Variants in ELP4 observed in about 807,000 individuals in gnomAD.
ELP4 encodes the protein elongator complex protein 4.
Under a neutral mutation model 48.9 loss-of-function variants are expected in ELP4, and 51 were observed. That is an observed-to-expected ratio of 1.04 (90% confidence interval 0.83 to 1.32). The LOEUF (loss-of-function observed/expected upper bound fraction) is 1.32, where lower values mean the gene tolerates loss of function less well. Ranked by LOEUF, ELP4 falls within the 40% of genes most tolerant of loss-of-function variation. The probability of loss-of-function intolerance (pLI) is 0.00; values close to 1 mark genes in which losing one functional copy is unlikely to be tolerated. For synonymous variants in ELP4, 210 were observed against 189.2 expected (o/e 1.11, Z -0.90); for missense variants, 519 against 514.6 (o/e 1.01, Z -0.08).
At chr11:31,593,308 A>G (rs1957617786) in intron 3 of ELP4, among the ~76,000 whole-genome samples, 1 of 151,962 alleles carries the variant, frequency 6.6e-6, no homozygotes, top group African/African-American at 2.4e-5. Context: ...GCTGGAGTGC[A>G]GTGGCATGAT....
chr11:31,557,903 A>G (rs1386438120), intron 3 of ELP4, among the ~76,000 whole-genome samples: 2 of 152,086 alleles, frequency 1.3e-5, no homozygotes, highest in Non-Finnish European at 2.9e-5. Flanking sequence ...TAGACTATAT[A>G]ATGGTATTTA....
At chr11:31,675,806 C>A (rs991326431) in intron 9 of ELP4, among the ~76,000 whole-genome samples, 1 of 151,934 alleles carries the variant, frequency 6.6e-6, no homozygotes, top group Non-Finnish European at 1.5e-5. Context: ...ACTATTTACC[C>A]AACATTCAAT....
chr11:31,615,435 G>A (rs914366309), intron 5 of ELP4, among the ~76,000 whole-genome samples: 2 of 151,558 alleles, frequency 1.3e-5, no homozygotes, highest in Non-Finnish European at 3.0e-5. Context: ...CATAGTAAAG[G>A]GTTAATGAAT....
chr11:31,639,670 A>G (rs1271104106), intron 7 of ELP4, among the ~76,000 whole-genome samples: 1 of 151,982 alleles, frequency 6.6e-6, no homozygotes, highest in East Asian at 1.9e-4. Flanking sequence ...GTAAATATGC[A>G]TATTGAATAA....
At chr11:31,717,371 A>G (rs1349451909) in intron 9 of ELP4, among the ~76,000 whole-genome samples, 3 of 152,206 alleles carry the variant, frequency 2.0e-5, no homozygotes, top group African/African-American at 7.2e-5. Context: ...GTCTCAAAGT[A>G]TTACTTACCT....
intron 9 of ELP4, among the ~76,000 whole-genome samples, chr11:31,741,338 A>G (rs1276263951): frequency 6.6e-6 from 1 of 152,192 alleles, no homozygotes; most frequent in Non-Finnish European, 1.5e-5. Flanking sequence ...AGACAAACAA[A>G]AAGACAGCAG....
intron 9 of ELP4, among the ~76,000 whole-genome samples, chr11:31,754,817 A>T (rs868038935): frequency 6.6e-6 from 1 of 152,196 alleles, no homozygotes; most frequent in Non-Finnish European, 1.5e-5. Flanking sequence ...GGTTGCAGTG[A>T]GCCAAGATCA....
intron 1 of ELP4, among the ~76,000 whole-genome samples, chr11:31,516,907 C>A (rs1268002789): frequency 1.3e-5 from 2 of 152,072 alleles, no homozygotes; most frequent in African/African-American, 2.4e-5. Flanking sequence ...TATGAAGGAA[C>A]CTGTCTGAAT....
At chr11:31,647,948 G>C in intron 8 of ELP4, 99 bp downstream of exon 8, 1 of 688,324 alleles carries the variant, frequency 1.5e-6, no homozygotes, top group South Asian at 1.7e-5. Flanking sequence ...CAAGGAGTAT[G>C]AATTTTATAA....
chr11:31,766,290 A>G (rs1312799762), intron 9 of ELP4, among the ~76,000 whole-genome samples: 1 of 152,130 alleles, frequency 6.6e-6, no homozygotes, highest in Non-Finnish European at 1.5e-5. Flanking sequence ...TTTCTGATAA[A>G]GTAATAGTAA....
chr11:31,757,225 G>T (rs780403015), intron 9 of ELP4, among the ~76,000 whole-genome samples: 1 of 152,164 alleles, frequency 6.6e-6, no homozygotes, highest in African/African-American at 2.4e-5. Flanking sequence ...GAAAACCATG[G>T]AAGGGGTTAA....
intron 9 of ELP4, among the ~76,000 whole-genome samples, chr11:31,677,696 A>G (rs1945958424): frequency 6.6e-6 from 1 of 152,230 alleles, no homozygotes; most frequent in South Asian, 2.1e-4. Flanking sequence ...CTGTTAATAG[A>G]CTTTTTAAAG....
chr11:31,593,567 C>A (rs954302773), intron 3 of ELP4, among the ~76,000 whole-genome samples: 2 of 152,046 alleles, frequency 1.3e-5, no homozygotes, highest in African/African-American at 4.8e-5. Flanking sequence ...CTATTACCTC[C>A]ATTTTTTAGA....
At chr11:31,646,396 G>A (rs1945199615) in intron 7 of ELP4, 1 of 151,676 alleles carries the variant, frequency 6.6e-6, no homozygotes, top group African/African-American at 2.4e-5. Context: ...TGCTCTAGGT[G>A]TGAGTTAACC....
At chr11:31,517,774 G>A (rs995228449) in intron 1 of ELP4, among the ~76,000 whole-genome samples, 3 of 151,620 alleles carry the variant, frequency 2.0e-5, no homozygotes, top group African/African-American at 4.8e-5. Flanking sequence ...CAGCCACCGC[G>A]CCCAGCTAAT....
chr11:31,594,984 G>A, intron 4 of ELP4, 83 bp downstream of exon 4: 1 of 1,131,234 alleles, frequency 8.8e-7, no homozygotes, highest in Non-Finnish European at 1.2e-6. Context: ...ATGCCTATAT[G>A]TGTATTTGTT....
intron 9 of ELP4, among the ~76,000 whole-genome samples, chr11:31,697,578 T>TG: frequency 6.6e-6 from 1 of 152,166 alleles, no homozygotes; most frequent in African/African-American, 2.4e-5. Context: ...GTAAATAAAG[T>TG]ATTTGTAGTC....
intron 9 of ELP4, among the ~76,000 whole-genome samples, chr11:31,771,583 GC>G (rs904063865): frequency 6.6e-6 from 1 of 152,182 alleles, no homozygotes; most frequent in Non-Finnish European, 1.5e-5. Flanking sequence ...CTTTTTCTCT[GC>G]CTTTCAAGCA....
intron 9 of ELP4, among the ~76,000 whole-genome samples, chr11:31,721,826 T>G (rs1946966615): frequency 6.6e-6 from 1 of 152,230 alleles, no homozygotes; most frequent in African/African-American, 2.4e-5. Flanking sequence ...TTATTTTGTT[T>G]CTATGTACTT....
Sources: allele counts gnomAD v4.1 joint callset (sites outside exome capture counted in the v4.1 genomes callset), GRCh38; gene constraint gnomAD v4.1.1; transcripts MANE v1.5; gene names NCBI Gene and HGNC (gene_info 2026-07-23, HGNC 2026-07-21).